Variants in BRWD3 observed in about 807,000 individuals in gnomAD.
BRWD3 encodes bromodomain and WD repeat-containing protein 3.
In BRWD3, 10 loss-of-function variants were observed where a neutral mutation model predicts 149.7. The ratio of observed to expected loss-of-function variants is 0.07; its 90% confidence interval spans 0.04 to 0.11. The LOEUF is 0.11. BRWD3 is among the 10% of genes least tolerant of loss of function. BRWD3 has a pLI of 1.00. For synonymous variants in BRWD3, 504 were observed against 456.7 expected, an observed-to-expected ratio of 1.10 and a Z score of -1.32; for missense variants, 940 against 1,373.2, an observed-to-expected ratio of 0.68 and a Z score of 4.99.
chrX:80,703,839 A>G (rs577612190), intron 23 of BRWD3, among the ~76,000 whole-genome samples: 2 of 111,956 alleles, frequency 1.8e-5, no homozygotes, highest in South Asian at 7.5e-4. Context: ...CCTGAAAACC[A>G]TAACTTTTAC....
chrX:80,768,639 A>T (rs1019682892), intron 6 of BRWD3, among the ~76,000 whole-genome samples: 3 of 111,854 alleles, frequency 2.7e-5, no homozygotes, highest in Non-Finnish European at 5.6e-5. Context: ...CCAAATTGTA[A>T]AGACCATCAA....
At chrX:80,702,950 A>T (rs1014629967) in intron 24 of BRWD3, among the ~76,000 whole-genome samples, 7 of 111,811 alleles carry the variant, frequency 6.3e-5, no homozygotes, top group African/African-American at 1.9e-4. Context: ...TAATAAACTG[A>T]AAGTTTTTTA....
intron 10 of BRWD3, 41 bp downstream of exon 10, chrX:80,735,086 A>T: frequency 9.2e-7 from 1 of 1,085,811 alleles, no homozygotes; most frequent in Non-Finnish European, 1.3e-6. Context: ...CTGGATCGTT[A>T]AATATTCTAG....
rs1417105428 is a variant in BRWD3, at chrX:80,719,502, G to A, written c.2031C>T (p.Tyr677=). The change falls in exon 18 of 41, where the codon TAC becomes TAT. Residue 677 remains tyrosine, a synonymous_variant. Transcript: ENST00000373275. ...AAAAATACTTACCACCATTAACAGA[G>A]TATGCTCTATTAACTGGTAAATGTG... ...DVPHLPVNRA[Y]SVNGALRSPN... The A allele has an allele frequency of 8.3e-7, 1 of 1,205,720 alleles. No individual in the cohort carries two copies. The highest frequency in any genetic ancestry group is 1.8e-5 in the African/African-American group (1 of 57,031).
intron 14 of BRWD3, among the ~76,000 whole-genome samples, chrX:80,725,855 T>C (rs1315961955): frequency 9.4e-6 from 1 of 106,627 alleles, no homozygotes; most frequent in African/African-American, 3.5e-5. Flanking sequence ...TACATGCCTA[T>C]ATAACATAAC....
intron 4 of BRWD3, 94 bp downstream of exon 4, chrX:80,808,445 T>C (rs1247076615): frequency 3.1e-6 from 2 of 643,746 alleles, no homozygotes; most frequent in East Asian, 8.2e-5. Context: ...CTCTAGAACC[T>C]CGTCGGCTGA....
At chrX:80,730,079 G>T (rs897113278) in intron 12 of BRWD3, 59 bp from the exon 13 acceptor site, 24 of 813,351 alleles carry the variant, frequency 3.0e-5, no homozygotes, top group African/African-American at 2.3e-4. Context: ...ACTTTTTTTT[G>T]ATAATATAAG....
chrX:80,809,736 A>AG lies in BRWD3; in HGVS notation c.-266_-265insC, dbSNP rs1491266952. The stretch of plus-strand genomic sequence containing the variant: ...GTGAGTGAGTGAGAGAGAGAGAGAG[A>AG]AGAGAGAGAGAGAGAGAGGAAAAAG... On this transcript the variant is annotated 5_prime_UTR_variant, in exon 1 of 41. Coordinates refer to ENST00000373275, the MANE Select transcript of BRWD3 (RefSeq NM_153252.5). 4.4e-3 allele frequency: 686 copies of AG among 154,930 alleles called. 11 individuals are homozygous for AG. The East Asian group carries it at 0.055, about 12-fold the overall frequency. The allele number at this position is 154,930 out of a possible 1,213,427, so 12.8% of individuals were successfully genotyped here.
chrX:80,770,199 T>C (rs1330960918), intron 6 of BRWD3, among the ~76,000 whole-genome samples: 2 of 111,696 alleles, frequency 1.8e-5, no homozygotes, highest in Non-Finnish European at 3.8e-5. Context: ...CCATTCCTTC[T>C]GAAACTAGTC....
chrX:80,727,550 A>T (rs1286363130), intron 14 of BRWD3, among the ~76,000 whole-genome samples: 4 of 111,473 alleles, frequency 3.6e-5, no homozygotes, highest in Non-Finnish European at 7.6e-5. Context: ...GATTTACCAA[A>T]TATTTATTGA....
intron 5 of BRWD3, among the ~76,000 whole-genome samples, chrX:80,793,319 A>G (rs901782934): frequency 2.0e-4 from 22 of 110,567 alleles, no homozygotes; most frequent in African/African-American, 6.9e-4. Context: ...GAGTAAGAAC[A>G]TTATAATGAA....
chrX:80,705,472 T>C (rs2072849849), intron 22 of BRWD3, among the ~76,000 whole-genome samples: 1 of 111,551 alleles, frequency 9.0e-6, no homozygotes, highest in African/African-American at 3.3e-5. Context: ...AGTGGGATTG[T>C]TTTAAAACTG....
At chrX:80,788,040 C>CAT (rs2074132402) in intron 6 of BRWD3, among the ~76,000 whole-genome samples, 1 of 108,992 alleles carries the variant, frequency 9.2e-6, no homozygotes, top group African/African-American at 3.4e-5. Context: ...GCCGAGACTG[C>CAT]GCCACTGCAC....
chrX:80,682,393 A>C (rs1602299818), intron 38 of BRWD3, 72 bp downstream of exon 38: 2 of 1,118,737 alleles, frequency 1.8e-6, no homozygotes, highest in Non-Finnish European at 1.2e-6. Context: ...AATTATTCAT[A>C]AACTTTCACA....
intron 6 of BRWD3, among the ~76,000 whole-genome samples, chrX:80,789,364 C>T (rs2074150405): frequency 8.9e-6 from 1 of 111,788 alleles, no homozygotes; most frequent in African/African-American, 3.3e-5. Context: ...GAAAGAGTTT[C>T]CATGCTTAAA....
chrX:80,771,712 T>C (rs2073945632), intron 6 of BRWD3, among the ~76,000 whole-genome samples: 1 of 111,729 alleles, frequency 9.0e-6, no homozygotes, highest in Non-Finnish European at 1.9e-5. Context: ...TTTTGCAACC[T>C]ACCCATCTGA....
rs1435301363 is a variant in BRWD3 at position 80,673,079 on chromosome X, T to C, written c.*3530A>G. ...ACTCTATTATTGTCTGATGACAATCTATGGGATTAAAACAAAAACAACAAA... is the reference window on the plus strand; with the variant it reads ...ACTCTATTATTGTCTGATGACAATCCATGGGATTAAAACAAAAACAACAAA... On this transcript the variant is annotated 3_prime_UTR_variant, in exon 41 of 41. Transcript: ENST00000373275. The C allele has an allele frequency of 8.9e-6, 1 of 112,063 alleles. No individual in the cohort carries two copies. The highest frequency in any genetic ancestry group is 9.5e-5 in the Admixed American group (1 of 10,505). 9.2% of individuals were successfully genotyped at this position (112,063 alleles called of 1,213,427 possible). A position where few individuals can be genotyped will look rare whatever the true frequency, so the allele number is the denominator to read the frequency against.
At chrX:80,743,046 T>A (rs1449364877) in intron 8 of BRWD3, among the ~76,000 whole-genome samples, 9 of 111,776 alleles carry the variant, frequency 8.1e-5, no homozygotes, top group Non-Finnish European at 1.5e-4. Flanking sequence ...CACAGATAGC[T>A]CTTATTATTT....
intron 6 of BRWD3, among the ~76,000 whole-genome samples, chrX:80,790,298 T>G (rs748445013): frequency 2.7e-5 from 3 of 110,225 alleles, no homozygotes; most frequent in Non-Finnish European, 5.7e-5. Flanking sequence ...TAGAGAACTA[T>G]GACCCACAAA....
Sources: gnomAD v4.1 joint callset for allele counts (sites outside exome capture counted in the v4.1 genomes callset) on GRCh38, gnomAD v4.1.1 for gene constraint, MANE v1.5 for transcripts, NCBI Gene and HGNC (gene_info 2026-07-23, HGNC 2026-07-21) for gene names.